SAMD4A: variants seen among roughly 807,000 people sequenced by gnomAD.
SAMD4A encodes the protein protein Smaug homolog 1.
SAMD4A carries 33 observed loss-of-function variants against 81.3 expected under a neutral mutation model. That is an observed-to-expected ratio of 0.41 (90% CI 0.31 to 0.54). SAMD4A has a LOEUF of 0.54. Ranked by LOEUF, SAMD4A falls within the 20% of genes least tolerant of loss-of-function variation. The pLI is 0.37. For missense variants in SAMD4A, 854 were observed against 951.1 expected, an observed-to-expected ratio of 0.90 and a Z score of 1.34; for synonymous variants, 389 against 382.1, an observed-to-expected ratio of 1.02 and a Z score of -0.21.
chr14:54,736,948 A>G, intron 3 of SAMD4A, 76 bp from the exon 4 acceptor site: 1 of 1,517,430 alleles, frequency 6.6e-7, no homozygotes, highest in East Asian at 2.3e-5. Context: ...CTCAGGGTTA[A>G]GAGGTATTGT....
chr14:54,725,931 T>G (rs2037404986), intron 3 of SAMD4A, among the ~76,000 whole-genome samples: 2 of 152,212 alleles, frequency 1.3e-5, no homozygotes, highest in Non-Finnish European at 2.9e-5. Flanking sequence ...GAGCTGCGTA[T>G]GTAGTTAGAG....
chr14:54,617,393 A>C (rs1328968501), intron 2 of SAMD4A, among the ~76,000 whole-genome samples: 1 of 152,146 alleles, frequency 6.6e-6, no homozygotes. Flanking sequence ...AAAGCACTGA[A>C]CCATTTTCTT....
chr14:54,770,594 C>T (rs1181660084), intron 9 of SAMD4A, among the ~76,000 whole-genome samples: 2 of 151,650 alleles, frequency 1.3e-5, no homozygotes, highest in Non-Finnish European at 2.9e-5. Flanking sequence ...CAATCAGCAC[C>T]TTAAGTGGTA....
intron 3 of SAMD4A, 150 bp from the exon 4 acceptor site, chr14:54,736,874 A>C: frequency 1.1e-6 from 1 of 889,670 alleles, no homozygotes; most frequent in Non-Finnish European, 1.7e-6. Context: ...GAAAACGACC[A>C]TGCCAGGCCT....
Position 54,626,015 on chromosome 14 carries a change from GGTGTGTGTGT to G in SAMD4A, c.196+57939_196+57948del, listed in dbSNP as rs71446501. On this transcript the variant is annotated intron_variant, in intron 2 of 12. Coordinates refer to ENST00000554335, the MANE Select transcript of SAMD4A (RefSeq NM_015589.6). The stretch of plus-strand genomic sequence containing the variant: ...TTACAGAATAGCAGCTCTACTGCTA[GGTGTGTGTGT>G]GTGTGTGTGTGTGTGTGTGTGTGTG... Among the ~76,000 whole-genome samples, 875 of 131,746 alleles carry G rather than the reference GGTGTGTGTGT, an allele frequency of 6.6e-3. 4 individuals are homozygous for G. Among genetic ancestry groups the G allele is most frequent in the African/African-American group, 0.013 (456 of 35,828 alleles). The allele number at this position is 131,746 out of a possible 152,430, so 86.4% of individuals were successfully genotyped here.
intron 2 of SAMD4A, among the ~76,000 whole-genome samples, chr14:54,663,411 A>C (rs1194051689): frequency 6.6e-6 from 1 of 152,210 alleles, no homozygotes; most frequent in Non-Finnish European, 1.5e-5. Flanking sequence ...CCCAGCCTGA[A>C]CTTGAGGGAT....
chr14:54,583,659 C>G (rs1181008667), intron 2 of SAMD4A, among the ~76,000 whole-genome samples: 1 of 152,138 alleles, frequency 6.6e-6, no homozygotes, highest in African/African-American at 2.4e-5. Flanking sequence ...CTAAGTTACC[C>G]ACATTCTGAC....
chr14:54,726,479 A>T (rs1051183551), intron 3 of SAMD4A, among the ~76,000 whole-genome samples: 1 of 152,196 alleles, frequency 6.6e-6, no homozygotes, highest in Non-Finnish European at 1.5e-5. Context: ...TGAGGGTATG[A>T]ATTTTGTCTT....
chr14:54,684,241 T>G (rs376227109), intron 2 of SAMD4A, among the ~76,000 whole-genome samples: 304 of 152,260 alleles, frequency 2.0e-3, no homozygotes, highest in African/African-American at 6.9e-3. Context: ...ATTTACCGAG[T>G]TAGTGACACC....
At chr14:54,732,401 C>A (rs2037580241) in intron 3 of SAMD4A, among the ~76,000 whole-genome samples, 1 of 152,098 alleles carries the variant, frequency 6.6e-6, no homozygotes, top group South Asian at 2.1e-4. Context: ...TACCCAGAGA[C>A]CCACAGCTCC....
At chr14:54,782,165 G>A (rs568113050) in intron 11 of SAMD4A, among the ~76,000 whole-genome samples, 12 of 152,264 alleles carry the variant, frequency 7.9e-5, no homozygotes, top group African/African-American at 2.4e-4. Flanking sequence ...TTGGAAAATG[G>A]CATTTTGCTG....
chr14:54,679,935 A>T (rs1222066376), intron 2 of SAMD4A, among the ~76,000 whole-genome samples: 1 of 152,234 alleles, frequency 6.6e-6, no homozygotes, highest in Non-Finnish European at 1.5e-5. Flanking sequence ...CTAAGATAGG[A>T]CATGATGGGA....
At chr14:54,568,184 GGGCCAGGCCGA>G in intron 2 of SAMD4A, 72 bp downstream of exon 2, 2 of 1,320,168 alleles carry the variant, frequency 1.5e-6, no homozygotes, top group Admixed American at 8.3e-5. Context: ...TCTCTGCCTC[GGGCCAGGCCGA>G]GGCCAGTCCC....
At chr14:54,683,829 A>G (rs2036186749) in intron 2 of SAMD4A, among the ~76,000 whole-genome samples, 1 of 152,198 alleles carries the variant, frequency 6.6e-6, no homozygotes, top group Non-Finnish European at 1.5e-5. Flanking sequence ...GCACAGTCTT[A>G]GTGAGGGGTA....
At chr14:54,771,537 G>A (rs1435490652) in intron 9 of SAMD4A, among the ~76,000 whole-genome samples, 1 of 152,162 alleles carries the variant, frequency 6.6e-6, no homozygotes, top group Non-Finnish European at 1.5e-5. Context: ...AGCCCTCTGG[G>A]GTTGCCAACC....
chr14:54,683,796 C>T (rs1219015216), intron 2 of SAMD4A, among the ~76,000 whole-genome samples: 3 of 152,134 alleles, frequency 2.0e-5, no homozygotes, highest in Non-Finnish European at 2.9e-5. Context: ...ACAGGAGGCA[C>T]GTCTCCAGAT....
intron 8 of SAMD4A, among the ~76,000 whole-genome samples, chr14:54,767,386 C>A (rs889348195): frequency 7.2e-5 from 11 of 152,174 alleles, no homozygotes; most frequent in Non-Finnish European, 1.5e-4. Flanking sequence ...GGGACCGAGT[C>A]CCCAGAGTCA....
intron 2 of SAMD4A, among the ~76,000 whole-genome samples, chr14:54,624,328 A>G (rs886260893): frequency 1.3e-5 from 2 of 152,224 alleles, no homozygotes; most frequent in Non-Finnish European, 2.9e-5. Flanking sequence ...CTTACATGCC[A>G]GTGTGCGATG....
At chr14:54,781,165 A>G (rs1463708056) in intron 11 of SAMD4A, among the ~76,000 whole-genome samples, 1 of 152,180 alleles carries the variant, frequency 6.6e-6, no homozygotes, top group Non-Finnish European at 1.5e-5. Flanking sequence ...ACGGGATTCT[A>G]TAGATTTTTC....
Sources: gnomAD v4.1 joint callset for allele counts (sites outside exome capture counted in the v4.1 genomes callset) on GRCh38, gnomAD v4.1.1 for gene constraint, MANE v1.5 for transcripts, NCBI Gene and HGNC (gene_info 2026-07-23, HGNC 2026-07-21) for gene names.